The following CLIC5 variants were observed in gnomAD, a reference collection of about 807,000 sequenced individuals.
CLIC5 encodes the protein CLIC family member 5.
CLIC5 carries 20 observed loss-of-function variants against 24.7 expected under a neutral mutation model. The observed-to-expected ratio is 0.81, with a 90% confidence interval of 0.57 to 1.18. CLIC5 has a LOEUF of 1.18. Ranked by LOEUF, CLIC5 falls within the 50% of genes most tolerant of loss-of-function variation. The pLI, the probability that CLIC5 is intolerant of heterozygous loss-of-function variation, is 0.00. For synonymous variants in CLIC5, 159 were observed against 135.6 expected (o/e 1.17, Z -1.20); for missense variants, 341 against 326.1 (o/e 1.05, Z -0.35).
At chr6:46,103,049 C>T in the CLIC5 span, among the ~76,000 whole-genome samples, 141 of 150,886 alleles carry the variant, frequency 9.3e-4, no homozygotes, top group African/African-American at 3.0e-3. Context: ...TCATATCACA[C>T]GAGTTTCACT....
Position 45,903,064 on chromosome 6 carries a change from G to T in CLIC5, c.*24C>A. 1 of 1,613,632 alleles carries T rather than the reference G, an allele frequency of 6.2e-7. No individual in the cohort carries two copies. The highest frequency in any genetic ancestry group is 1.1e-5 in the South Asian group (1 of 91,006). ...GGGAGTGGTTGAGTCCTTCTGCAGCGGGGATGGGGCAAAATGGCTGTGCTC... is the reference window on the plus strand; with the variant it reads ...GGGAGTGGTTGAGTCCTTCTGCAGCTGGGATGGGGCAAAATGGCTGTGCTC... On this transcript the variant is annotated 3_prime_UTR_variant, in exon 6 of 6. Transcript: ENST00000339561.
At chr6:46,029,693 T>C (rs1413400981) in intron 1 of CLIC5, among the ~76,000 whole-genome samples, 1 of 151,600 alleles carries the variant, frequency 6.6e-6, no homozygotes, top group Admixed American at 6.6e-5. Flanking sequence ...AAAAAAAAAG[T>C]GTATCCTTGG....
At chr6:45,942,891 T>C (rs1158480642) in intron 3 of CLIC5, among the ~76,000 whole-genome samples, 1 of 152,212 alleles carries the variant, frequency 6.6e-6, no homozygotes, top group African/African-American at 2.4e-5. Flanking sequence ...GGGAACTGGA[T>C]ACCTGAGAAG....
chr6:46,127,947 T>C, the CLIC5 span, among the ~76,000 whole-genome samples: 4 of 152,182 alleles, frequency 2.6e-5, no homozygotes, highest in Non-Finnish European at 5.9e-5. Flanking sequence ...GAACCAGAAG[T>C]CTACTCTGTT....
intron 1 of CLIC5, among the ~76,000 whole-genome samples, chr6:45,956,934 A>G (rs1430494118): frequency 6.6e-6 from 1 of 152,190 alleles, no homozygotes; most frequent in East Asian, 1.9e-4. Flanking sequence ...ACAGGTGGCT[A>G]TCAATTTAAT....
At chr6:45,976,613 CACAG>C (rs1253096956) in intron 1 of CLIC5, among the ~76,000 whole-genome samples, 1 of 152,220 alleles carries the variant, frequency 6.6e-6, no homozygotes, top group African/African-American at 2.4e-5. Flanking sequence ...AATGCCCATG[CACAG>C]ACAGACTTTA....
chr6:46,017,982 T>C (rs114915696), upstream of CLIC5, among the ~76,000 whole-genome samples: 1,054 of 152,302 alleles, frequency 6.9e-3, 11 homozygotes, highest in African/African-American at 0.024. Context: ...ATTGCTTTCC[T>C]CCTGCTTGGC....
At chr6:45,918,026 G>T (rs1298068599) in intron 4 of CLIC5, among the ~76,000 whole-genome samples, 1 of 152,186 alleles carries the variant, frequency 6.6e-6, no homozygotes, top group Non-Finnish European at 1.5e-5. Flanking sequence ...GGACTTGATA[G>T]ATACCCAGTG....
chr6:46,069,761 T>C (rs753377927), intron 1 of CLIC5, among the ~76,000 whole-genome samples: 2 of 151,882 alleles, frequency 1.3e-5, no homozygotes, highest in Non-Finnish European at 1.5e-5. Context: ...CTGGCAGAGA[T>C]ACAGCAAAAA....
chr6:45,951,829 C>A (rs1220394637), intron 2 of CLIC5, among the ~76,000 whole-genome samples: 1 of 152,118 alleles, frequency 6.6e-6, no homozygotes, highest in African/African-American at 2.4e-5. Context: ...CTGGCGTAAT[C>A]AGTTTGGGAG....
At chr6:45,932,343 G>A (rs1204569433) in intron 4 of CLIC5, among the ~76,000 whole-genome samples, 1 of 152,104 alleles carries the variant, frequency 6.6e-6, no homozygotes, top group Non-Finnish European at 1.5e-5. Context: ...TCGTGACCTC[G>A]TGATCGGCCT....
intron 1 of CLIC5, among the ~76,000 whole-genome samples, chr6:45,982,803 T>C (rs1290198476): frequency 6.6e-6 from 1 of 152,138 alleles, no homozygotes; most frequent in Non-Finnish European, 1.5e-5. Context: ...CATAGATGAG[T>C]GGTTTTAATA....
chr6:46,059,167 T>G (rs1364479831), intron 1 of CLIC5, among the ~76,000 whole-genome samples: 1 of 152,232 alleles, frequency 6.6e-6, no homozygotes, highest in Non-Finnish European at 1.5e-5. Flanking sequence ...TTTTCTTGTC[T>G]GCCTCTAAAT....
chr6:45,940,463 A>G (rs994333283), intron 4 of CLIC5, among the ~76,000 whole-genome samples: 6 of 151,482 alleles, frequency 4.0e-5, no homozygotes, highest in African/African-American at 1.5e-4. Context: ...CGATACACCA[A>G]CTCTGTTCCT....
At position 45,899,986 on chromosome 6, in the gene CLIC5, T is replaced by G. The variant is rs564653583; in HGVS notation, c.*3102A>C. On this transcript the variant is annotated 3_prime_UTR_variant, in exon 6 of 6. Coordinates refer to ENST00000339561, the MANE Select transcript of CLIC5 (RefSeq NM_016929.5). ...ATGCTCACATCTGTGACTCTGAATT[T>G]ATCAAGCATTTGACTTTCTTTATCA... 5 of 152,366 alleles carry G rather than the reference T, an allele frequency of 3.3e-5. No individual in the cohort carries two copies. In the East Asian group the frequency reaches 9.6e-4, roughly 29 times the overall value. 9.4% of individuals were successfully genotyped at this position (152,366 alleles called of 1,614,324 possible). A position where few individuals can be genotyped will look rare whatever the true frequency, so the allele number is the denominator to read the frequency against.
chr6:46,029,780 T>G (rs1238387673), intron 1 of CLIC5, among the ~76,000 whole-genome samples: 1 of 152,188 alleles, frequency 6.6e-6, no homozygotes, highest in Non-Finnish European at 1.5e-5. Context: ...GCTGCAGAAT[T>G]GACATCTTTC....
intron 4 of CLIC5, among the ~76,000 whole-genome samples, chr6:45,919,268 C>T (rs976626167): frequency 9.2e-5 from 14 of 152,150 alleles, no homozygotes; most frequent in African/African-American, 2.9e-4. Flanking sequence ...CCCCTGTGAC[C>T]TCACAGCACT....
At chr6:46,114,736 C>A in the CLIC5 span, among the ~76,000 whole-genome samples, 2 of 152,156 alleles carry the variant, frequency 1.3e-5, no homozygotes, top group Non-Finnish European at 2.9e-5. Flanking sequence ...TTAAAGCCTC[C>A]CAGTCTCTGG....
Position 45,982,697 on chromosome 6 carries a change from G to A in CLIC5, c.64-27453C>T, listed in dbSNP as rs539474903. ...TACGGGGTCCGTCGTTGGCTGAAAC[G>A]TTATTATGTGGTATGTGACTCTGCA... On this transcript the variant is annotated intron_variant, in intron 1 of 5. Coordinates refer to ENST00000339561, the MANE Select transcript of CLIC5 (RefSeq NM_016929.5). Among the ~76,000 whole-genome samples, 102 of 152,258 alleles carry A rather than the reference G, an allele frequency of 6.7e-4. 2 individuals carry two copies. In the South Asian group the frequency reaches 0.019, roughly 29 times the overall value.
Sources: allele counts gnomAD v4.1 joint callset (sites outside exome capture counted in the v4.1 genomes callset), GRCh38; gene constraint gnomAD v4.1.1; transcripts MANE v1.5; gene names NCBI Gene and HGNC (gene_info 2026-07-23, HGNC 2026-07-21).